Variants in CDH13 observed in about 807,000 individuals in gnomAD.
The protein encoded by CDH13 is cadherin 13, also known as cadherin-13.
Under a neutral mutation model 63.8 loss-of-function variants are expected in CDH13, and 24 were observed. The observed-to-expected ratio is 0.38, with a 90% confidence interval of 0.27 to 0.53. CDH13 has a LOEUF of 0.53. Among genes scored for constraint, CDH13 ranks in the 20% least tolerant of loss-of-function variants. CDH13 has a pLI of 0.85. For missense variants in CDH13, 1,049 were observed against 903.1 expected (o/e 1.16, Z -2.07); for synonymous variants, 503 against 355.3 (o/e 1.42, Z -4.67).
chr16:83,085,049 C>T (rs761625546), intron 3 of CDH13, among the ~76,000 whole-genome samples: 1 of 152,092 alleles, frequency 6.6e-6, no homozygotes, highest in Non-Finnish European at 1.5e-5. Flanking sequence ...TGGCTTTAAT[C>T]TTCATAGTTT....
At chr16:82,835,744 G>C (rs1203859294) in intron 1 of CDH13, among the ~76,000 whole-genome samples, 1 of 152,196 alleles carries the variant, frequency 6.6e-6, no homozygotes, top group African/African-American at 2.4e-5. Context: ...ATGCACAGGA[G>C]GAAGCCAGAA....
At chr16:83,549,607 A>T (rs545162897) in intron 7 of CDH13, among the ~76,000 whole-genome samples, 2 of 151,568 alleles carry the variant, frequency 1.3e-5, no homozygotes, top group Non-Finnish European at 2.9e-5. Flanking sequence ...CACTGGGACT[A>T]TAGCTTTATT....
intron 6 of CDH13, among the ~76,000 whole-genome samples, chr16:83,454,717 T>A (rs914444753): frequency 1.3e-5 from 2 of 150,714 alleles, no homozygotes; most frequent in Non-Finnish European, 3.0e-5. Flanking sequence ...TCTATTGATT[T>A]TTTTTTTTTG....
At chr16:83,239,089 C>G (rs558494853) in intron 5 of CDH13, among the ~76,000 whole-genome samples, 1 of 152,196 alleles carries the variant, frequency 6.6e-6, no homozygotes, top group Non-Finnish European at 1.5e-5. Context: ...GGGACTGATG[C>G]TCTACTTCCT....
chr16:82,901,498 G>A (rs985233483), intron 2 of CDH13, among the ~76,000 whole-genome samples: 5 of 152,018 alleles, frequency 3.3e-5, no homozygotes, highest in African/African-American at 1.2e-4. Flanking sequence ...AATACTTAGT[G>A]AACAAGCAAG....
intron 6 of CDH13, among the ~76,000 whole-genome samples, chr16:83,467,793 G>T (rs1041961978): frequency 6.6e-5 from 10 of 152,160 alleles, no homozygotes; most frequent in African/African-American, 2.2e-4. Context: ...AGTCACTTCT[G>T]TTCTCCCACT....
chr16:83,497,297 G>A (rs912242711), intron 7 of CDH13, among the ~76,000 whole-genome samples: 71 of 152,042 alleles, frequency 4.7e-4, no homozygotes, highest in African/African-American at 1.6e-3. Flanking sequence ...TTAAGAAAAT[G>A]TGGCACATAT....
intron 1 of CDH13, among the ~76,000 whole-genome samples, chr16:82,749,515 T>C (rs1246533663): frequency 6.6e-6 from 1 of 152,160 alleles, no homozygotes; most frequent in African/African-American, 2.4e-5. Flanking sequence ...TCTGAAGTAT[T>C]ACCTAGCCTG....
chr16:83,734,303 C>T (rs1657546), intron 10 of CDH13, among the ~76,000 whole-genome samples: 112,439 of 152,010 alleles, frequency 0.74, 42,126 homozygotes, highest in Middle Eastern at 0.82. Flanking sequence ...ATCACTGAGA[C>T]AAGACAAAAG....
intron 6 of CDH13, among the ~76,000 whole-genome samples, chr16:83,369,820 G>T (rs750064765): frequency 6.6e-6 from 1 of 152,032 alleles, no homozygotes; most frequent in Non-Finnish European, 1.5e-5. Context: ...CTCTAGAAAC[G>T]GCCATTCCCA....
chr16:82,741,709 G>T (rs1022074785), intron 1 of CDH13, among the ~76,000 whole-genome samples: 1 of 152,024 alleles, frequency 6.6e-6, no homozygotes, highest in South Asian at 2.1e-4. Flanking sequence ...GTTCAACCTC[G>T]CCATTAATTA....
At chr16:82,695,723 C>A (rs893363400) in intron 1 of CDH13, among the ~76,000 whole-genome samples, 2 of 152,152 alleles carry the variant, frequency 1.3e-5, no homozygotes, top group African/African-American at 2.4e-5. Context: ...AATTGATTCT[C>A]CATAGTGTTA....
chr16:82,948,993 TCAAC>T (rs1905024585), intron 2 of CDH13, among the ~76,000 whole-genome samples: 1 of 152,224 alleles, frequency 6.6e-6, no homozygotes, highest in Non-Finnish European at 1.5e-5. Flanking sequence ...TAAACATCTT[TCAAC>T]TCTACATTGT....
chr16:83,286,652 G>T (rs981066455), intron 5 of CDH13, among the ~76,000 whole-genome samples: 1 of 151,506 alleles, frequency 6.6e-6, no homozygotes, highest in African/African-American at 2.4e-5. Context: ...GCTACTTGGG[G>T]GGCTGAGGCA....
chr16:83,331,399 A>G (rs1238508440), intron 5 of CDH13, among the ~76,000 whole-genome samples: 1 of 152,202 alleles, frequency 6.6e-6, no homozygotes, highest in African/African-American at 2.4e-5. Context: ...AATACTGATG[A>G]TGTCCTATGT....
At chr16:83,465,079 C>T (rs574227320) in intron 6 of CDH13, among the ~76,000 whole-genome samples, 5 of 152,150 alleles carry the variant, frequency 3.3e-5, no homozygotes, top group Admixed American at 6.5e-5. Flanking sequence ...TGACAGAAGG[C>T]GGCAGACAAA....
At chr16:83,502,903 G>C (rs1210737934) in intron 7 of CDH13, among the ~76,000 whole-genome samples, 2 of 152,166 alleles carry the variant, frequency 1.3e-5, no homozygotes. Flanking sequence ...AGAAGGCTGG[G>C]TGGCTGCCAT....
intron 6 of CDH13, among the ~76,000 whole-genome samples, chr16:83,460,939 C>A (rs2073160722): frequency 6.6e-6 from 1 of 151,312 alleles, no homozygotes; most frequent in African/African-American, 2.4e-5. Flanking sequence ...GTGATCACTC[C>A]ACTGCACTCC....
At chr16:82,859,861 C>T (rs1350104356) in intron 2 of CDH13, 6 of 152,116 alleles carry the variant, frequency 3.9e-5, no homozygotes, top group Admixed American at 2.0e-4. Context: ...AGGTGAAGCC[C>T]GTGCACCTCC....
Sources: allele counts gnomAD v4.1 joint callset (sites outside exome capture counted in the v4.1 genomes callset), GRCh38; gene constraint gnomAD v4.1.1; transcripts MANE v1.5; gene names NCBI Gene and HGNC (gene_info 2026-07-23, HGNC 2026-07-21).